WNT6: variants seen among roughly 807,000 people sequenced by gnomAD.
WNT6 encodes Wnt family member 6, also known as protein Wnt-6.
Under a neutral mutation model 33.1 loss-of-function variants are expected in WNT6, and 27 were observed. That is an observed-to-expected ratio of 0.82 (90% CI 0.60 to 1.12). The LOEUF is 1.12. Ranked by LOEUF, WNT6 falls within the 50% of genes most tolerant of loss-of-function variation. The probability of loss-of-function intolerance (pLI) is 0.00; values close to 1 mark genes in which losing one functional copy is unlikely to be tolerated. For missense variants in WNT6, 494 were observed against 535.3 expected (o/e 0.92, Z 0.76); for synonymous variants, 249 against 242.8 (o/e 1.03, Z -0.24).
chr2:218,864,675 C>G (rs571662077), intron 1 of WNT6, among the ~76,000 whole-genome samples: 1 of 152,220 alleles, frequency 6.6e-6, no homozygotes, highest in Non-Finnish European at 1.5e-5. Flanking sequence ...TCACCCACCC[C>G]CCTCCTGGAA....
chr2:218,869,348 G>C (rs541904104), intron 1 of WNT6, among the ~76,000 whole-genome samples: 1 of 152,164 alleles, frequency 6.6e-6, no homozygotes, highest in Non-Finnish European at 1.5e-5. Flanking sequence ...TTAGTGTTGA[G>C]AGTTCTACCT....
chr2:218,860,930 G>A (rs1311075974), intron 1 of WNT6, among the ~76,000 whole-genome samples: 1 of 151,956 alleles, frequency 6.6e-6, no homozygotes, highest in African/African-American at 2.4e-5. Flanking sequence ...GCCCGACCGG[G>A]ACGGCTCAGA....
rs1054846251 is a variant in WNT6, at chr2:218,867,761, A to C, written c.81-3266A>C. The stretch of plus-strand genomic sequence containing the variant: ...ATGCTGACCCAAAGGCCTGAAAAGC[A>C]GAGTTCACTCCCTAAGGAAGCATAA... On this transcript the variant is annotated intron_variant, in intron 1 of 3. Coordinates refer to ENST00000233948, the MANE Select transcript of WNT6 (RefSeq NM_006522.4). The surrounding 1 kb of genome is among the most constrained non-coding windows in gnomAD (Gnocchi z 4.9). Among the ~76,000 whole-genome samples the C allele has an allele frequency of 1.3e-5, 2 of 152,360 alleles. No homozygotes were observed. Among genetic ancestry groups the C allele is most frequent in the South Asian group, 4.1e-4 (2 of 4,832 alleles).
At position 218,871,516 on chromosome 2, in the gene WNT6, C is replaced by T. The variant is rs781404768; in HGVS notation, c.333C>T (p.Ile111=). 8 of 1,597,728 alleles carry T rather than the reference C, an allele frequency of 5.0e-6. No homozygotes were observed. Among genetic ancestry groups the T allele is most frequent in the South Asian group, 3.3e-5 (3 of 91,010 alleles). The change falls in exon 3 of 4, where the codon ATC becomes ATT. Residue 111 remains isoleucine, a synonymous_variant. Transcript: ENST00000233948. This position sits in a 1 kb window ranked among gnomAD's most constrained non-coding sequence, Gnocchi z 6.4. ...DIRETAFVFA[I]TAAGASHAVT... ...GGGAGACGGCCTTCGTGTTCGCCAT[C>T]ACTGCGGCCGGCGCCAGCCACGCCG...
chr2:218,860,124 C>T lies in WNT6; in HGVS notation c.80+7C>T. ...ACGTCGGCGGACTGTGGTGGTGAGT[C>T]CGGCTGTCCTGGCGCGGCTCTGGAC... On this transcript the variant is annotated splice_region_variant and intron_variant, in intron 1 of 3. Coordinates refer to ENST00000233948, the MANE Select transcript of WNT6 (RefSeq NM_006522.4). 6.6e-7 allele frequency: 1 copy of T among 1,519,270 alleles called. No individual in the cohort carries two copies. Among genetic ancestry groups the T allele is most frequent in the Non-Finnish European group, 8.8e-7 (1 of 1,137,552 alleles). The allele number at this position is 1,519,270 out of a possible 1,614,324, so 94.1% of individuals were successfully genotyped here. A position where few individuals can be genotyped will look rare whatever the true frequency, so the allele number is the denominator to read the frequency against.
chr2:218,866,488 C>A (rs997995318), intron 1 of WNT6, among the ~76,000 whole-genome samples: 4 of 152,114 alleles, frequency 2.6e-5, no homozygotes, highest in Admixed American at 2.6e-4. Context: ...CACAATGCTG[C>A]CTGCACCCTA....
intron 1 of WNT6, among the ~76,000 whole-genome samples, chr2:218,869,051 C>T (rs766798088): frequency 1.3e-5 from 2 of 152,116 alleles, no homozygotes; most frequent in Non-Finnish European, 2.9e-5. Context: ...CCCTGACCCA[C>T]CCTCCATTGC....
At position 218,873,391 on chromosome 2, in the gene WNT6, G is replaced by A. The variant is rs1344178652; in HGVS notation, c.644G>A (p.Arg215Gln). Residue 215 changes from arginine (R) to glutamine (Q), a missense_variant, in exon 4 of 4, where the codon CGG (arginine) becomes CAG (glutamine). Physicochemically the swap from Arg to Gln is conservative, Grantham distance 43. Transcript: ENST00000233948. The surrounding 1 kb of genome is among the most constrained non-coding windows in gnomAD (Gnocchi z 6.1). ...CCCCTCTGCCTCCCGCAGGCCGTGC[G>A]GAGCCACACGCGCACCGAGTGCAAA... ...HNNEAGRLAV[R>Q]SHTRTECKCH... is the part of the protein sequence containing the mutation. The A allele has an allele frequency of 2.0e-6, 3 of 1,535,006 alleles. No homozygotes were observed. The highest frequency in any genetic ancestry group is 2.6e-6 in the Non-Finnish European group (3 of 1,145,772).
At chr2:218,860,222 C>A in intron 1 of WNT6, 105 bp downstream of exon 1, 1 of 1,123,200 alleles carries the variant, frequency 8.9e-7, no homozygotes, top group Non-Finnish European at 1.2e-6. Context: ...ACCTGCTCTC[C>A]GAGCCCAGCT....
chr2:218,871,271 G>A lies in WNT6; in HGVS notation c.301+24G>A. ...GGGTCAGTGTGGGGAGGGGGCGGAA[G>A]TGGGGCTGCTTTCTCCCTGCTGTGG... is the stretch of plus-strand genomic sequence containing the variant. On this transcript the variant is annotated intron_variant, in intron 2 of 3. Coordinates refer to ENST00000233948, the MANE Select transcript of WNT6 (RefSeq NM_006522.4). This position sits in a 1 kb window ranked among gnomAD's most constrained non-coding sequence, Gnocchi z 6.4. 1.3e-6 allele frequency: 2 copies of A among 1,589,860 alleles called. No homozygotes were observed. The highest frequency in any genetic ancestry group is 1.7e-6 in the Non-Finnish European group (2 of 1,164,616).
chr2:218,873,621 G>T lies in WNT6; in HGVS notation c.874G>T (p.Asp292Tyr), dbSNP rs753892359. 6.3e-7 allele frequency: 1 copy of T among 1,575,486 alleles called. No individual in the cohort carries two copies. The highest frequency in any genetic ancestry group is 8.6e-7 in the Non-Finnish European group (1 of 1,167,768). Residue 292 changes from aspartate (D) to tyrosine (Y), a missense_variant, in exon 4 of 4, where the codon GAC becomes TAC. Coordinates refer to ENST00000233948, the MANE Select transcript of WNT6 (RefSeq NM_006522.4). The surrounding 1 kb of genome is among the most constrained non-coding windows in gnomAD (Gnocchi z 6.1). ...ADLLYAADSP[D>Y]FCAPNRRTGS... is the part of the protein sequence containing the mutation. ...CCTCCTCTACGCCGCCGATTCGCCC[G>T]ACTTCTGCGCCCCCAACCGACGCAC...
chr2:218,863,861 C>A (rs1944331412), intron 1 of WNT6, among the ~76,000 whole-genome samples: 1 of 152,056 alleles, frequency 6.6e-6, no homozygotes, highest in Non-Finnish European at 1.5e-5. Flanking sequence ...ATCAATCAAT[C>A]AATAAAAATA....
In WNT6 at chr2:218,873,280, C is replaced by G; in HGVS notation, c.637-104C>G. On this transcript the variant is annotated intron_variant, in intron 3 of 3. Coordinates refer to ENST00000233948, the MANE Select transcript of WNT6 (RefSeq NM_006522.4). This position sits in a 1 kb window ranked among gnomAD's most constrained non-coding sequence, Gnocchi z 6.1. ...TCTCCTTTTGTCTGCATTTTCCTCT[C>G]TTCCTTTCACCTCCCATTCCCAATC... The G allele has an allele frequency of 4.6e-5, 53 of 1,159,164 alleles. No homozygotes were observed. Among genetic ancestry groups the G allele is most frequent in the Non-Finnish European group, 5.6e-5 (47 of 837,664 alleles). The allele number at this position is 1,159,164 out of a possible 1,614,324, so 71.8% of individuals were successfully genotyped here. A position where few individuals can be genotyped will look rare whatever the true frequency, so the allele number is the denominator to read the frequency against.
intron 1 of WNT6, among the ~76,000 whole-genome samples, chr2:218,863,263 C>T (rs1944324598): frequency 6.6e-6 from 1 of 152,192 alleles, no homozygotes; most frequent in South Asian, 2.1e-4. Flanking sequence ...ACCTGCTTTC[C>T]CTGGCCTTCT....
rs985338142 is a variant in WNT6, at chr2:218,860,170, G to T, written c.80+53G>T. 2.8e-6 allele frequency: 4 copies of T among 1,448,584 alleles called. No homozygotes were observed. The African/African-American group carries it at 4.4e-5, about 16-fold the overall frequency. 89.7% of individuals were successfully genotyped at this position (1,448,584 alleles called of 1,614,324 possible). The stretch of plus-strand genomic sequence containing the variant: ...TGGACCCTGGAGGGTGGGGACCCCG[G>T]GACCCAGGACAGACTGGGGTGTTCC... On this transcript the variant is annotated intron_variant, in intron 1 of 3. Transcript: ENST00000233948.
Position 218,873,886 on chromosome 2 carries a change from C to A in WNT6, c.*41C>A. The A allele has an allele frequency of 7.1e-7, 1 of 1,408,588 alleles. No individual in the cohort carries two copies. Among genetic ancestry groups the A allele is most frequent in the Non-Finnish European group, 9.2e-7 (1 of 1,086,592 alleles). The allele number at this position is 1,408,588 out of a possible 1,614,324, so 87.3% of individuals were successfully genotyped here. ...CTAGACTGACTTCGCGCAGCGGTGG[C>A]TCGCACCTGTGGGACCTCAGGGCAC... is the stretch of plus-strand genomic sequence containing the variant. On this transcript the variant is annotated 3_prime_UTR_variant, in exon 4 of 4. Coordinates refer to ENST00000233948, the MANE Select transcript of WNT6 (RefSeq NM_006522.4). The surrounding 1 kb of genome is among the most constrained non-coding windows in gnomAD (Gnocchi z 6.1).
At chr2:218,863,099 C>T (rs2106002099) in intron 1 of WNT6, among the ~76,000 whole-genome samples, 1 of 152,332 alleles carries the variant, frequency 6.6e-6, no homozygotes, top group East Asian at 1.9e-4. Context: ...GCTCTCCCCA[C>T]CCTACCAGTG....
intron 1 of WNT6, among the ~76,000 whole-genome samples, chr2:218,866,894 T>A (rs367900210): frequency 3.9e-5 from 6 of 152,014 alleles, no homozygotes; most frequent in East Asian, 3.9e-4. Flanking sequence ...ACATGAAAAA[T>A]TAATTATACC....
At chr2:218,862,931 C>T (rs1221957192) in intron 1 of WNT6, among the ~76,000 whole-genome samples, 1 of 152,156 alleles carries the variant, frequency 6.6e-6, no homozygotes, top group Admixed American at 6.5e-5. Flanking sequence ...TCTCAAACTC[C>T]TGACCTCAAG....
Sources: gnomAD v4.1 joint callset for allele counts (sites outside exome capture counted in the v4.1 genomes callset) on GRCh38, gnomAD v4.1.1 for gene constraint, Gnocchi (gnomAD v3.1) non-coding constraint, MANE v1.5 for transcripts, NCBI Gene and HGNC (gene_info 2026-07-23, HGNC 2026-07-21) for gene names.